Variants in AKT3 observed in about 807,000 individuals in gnomAD.
The protein encoded by AKT3 is AKT serine/threonine kinase 3.
AKT3 carries 15 observed loss-of-function variants against 65.3 expected under a neutral mutation model. That is an observed-to-expected ratio of 0.23 (90% CI 0.15 to 0.35). The LOEUF (loss-of-function observed/expected upper bound fraction) is 0.35. Ranked by LOEUF, AKT3 falls within the 10% of genes least tolerant of loss-of-function variation. The pLI is 1.00. For synonymous variants in AKT3, 206 were observed against 183.8 expected (o/e 1.12, Z -0.98); for missense variants, 243 against 576.5 (o/e 0.42, Z 5.92).
intron 8 of AKT3, among the ~76,000 whole-genome samples, chr1:243,574,064 T>A (rs983319217): frequency 6.6e-6 from 1 of 152,088 alleles, no homozygotes; most frequent in African/African-American, 2.4e-5. Context: ...GTGAAAAAAA[T>A]GAACCAATCA....
At chr1:243,563,570 T>C (rs1673944768) in intron 10 of AKT3, 150 bp downstream of exon 10, 1 of 818,322 alleles carries the variant, frequency 1.2e-6, no homozygotes, top group Non-Finnish European at 1.8e-6. Context: ...CAATACCCCA[T>C]TATAACAAAT....
chr1:243,643,044 T>C (rs1030419269), intron 5 of AKT3, among the ~76,000 whole-genome samples: 3 of 152,222 alleles, frequency 2.0e-5, no homozygotes, highest in Non-Finnish European at 2.9e-5. Context: ...CCTGGTGCTC[T>C]TTCTCACGGG....
intron 8 of AKT3, among the ~76,000 whole-genome samples, chr1:243,604,669 A>G (rs1459548177): frequency 6.6e-6 from 1 of 152,218 alleles, no homozygotes; most frequent in Non-Finnish European, 1.5e-5. Context: ...CAGGTTCATT[A>G]AAGTGCTCAT....
At chr1:243,550,789 C>CAAAAAAAAA (rs60834632) in intron 11 of AKT3, among the ~76,000 whole-genome samples, 1 of 33,690 alleles carries the variant, frequency 3.0e-5, no homozygotes, top group Non-Finnish European at 5.0e-5. Flanking sequence ...ACTAAAATAC[C>CAAAAAAAAA]AAAAAAAAAA....
chr1:243,654,860 G>C (rs1427117624), intron 4 of AKT3, among the ~76,000 whole-genome samples: 1 of 151,910 alleles, frequency 6.6e-6, no homozygotes, highest in Non-Finnish European at 1.5e-5. Context: ...TGTCTACATT[G>C]GGGATTTTCC....
intron 2 of AKT3, among the ~76,000 whole-genome samples, chr1:243,803,791 G>C (rs1326648146): frequency 6.6e-6 from 1 of 151,930 alleles, no homozygotes; most frequent in African/African-American, 2.4e-5. Flanking sequence ...ACATAACCCA[G>C]GATCCAGACA....
chr1:243,523,068 T>C (rs1186283916), intron 12 of AKT3, among the ~76,000 whole-genome samples: 1 of 152,056 alleles, frequency 6.6e-6, no homozygotes, highest in Non-Finnish European at 1.5e-5. Flanking sequence ...AGAAGGTCAA[T>C]TTGAGGCATA....
chr1:243,489,321 C>G (rs1665800546), intron 13 of AKT3, among the ~76,000 whole-genome samples: 1 of 152,208 alleles, frequency 6.6e-6, no homozygotes, highest in Admixed American at 6.5e-5. Flanking sequence ...GCCATGGGCC[C>G]GTCCTGGTGA....
At chr1:243,685,228 A>G (rs546412511) in intron 3 of AKT3, among the ~76,000 whole-genome samples, 1 of 152,300 alleles carries the variant, frequency 6.6e-6, no homozygotes, top group South Asian at 2.1e-4. Flanking sequence ...GTCTTTGCCC[A>G]TACCTATGTC....
chr1:243,562,995 C>T (rs1277114674), intron 10 of AKT3, among the ~76,000 whole-genome samples: 2 of 152,146 alleles, frequency 1.3e-5, no homozygotes, highest in East Asian at 1.9e-4. Flanking sequence ...CACACCACAC[C>T]CTTACATTTA....
intron 3 of AKT3, among the ~76,000 whole-genome samples, chr1:243,675,170 T>C (rs572711306): frequency 1.1e-4 from 17 of 152,282 alleles, no homozygotes; most frequent in African/African-American, 3.4e-4. Context: ...AAATAAACAA[T>C]AAACATATAC....
At chr1:243,702,198 A>G (rs1384551815) in intron 2 of AKT3, among the ~76,000 whole-genome samples, 1 of 152,036 alleles carries the variant, frequency 6.6e-6, no homozygotes, top group Non-Finnish European at 1.5e-5. Context: ...AATTTAAACC[A>G]ATGCTATGTT....
At chr1:243,847,219 T>C (rs1156782013) in intron 1 of AKT3, among the ~76,000 whole-genome samples, 1 of 152,188 alleles carries the variant, frequency 6.6e-6, no homozygotes, top group Non-Finnish European at 1.5e-5. Context: ...ACTGATTTGC[T>C]CAAAATGAAA....
Position 243,552,880 on chromosome 1 carries a change from C to T in AKT3, c.1012G>A (p.Glu338Lys), listed in dbSNP as rs2148466207. The T allele has an allele frequency of 6.2e-7, 1 of 1,614,128 alleles. No homozygotes were observed. The change falls in exon 11 of 14, where the codon GAA (glutamate) becomes AAA (lysine). Residue 338 changes from glutamate to lysine, a missense_variant. Glu to Lys is a moderately conservative substitution (Grantham distance 56). This residue lies in a region of AKT3 where 20 missense variants were observed against 68.4 expected (regional missense o/e 0.29). Transcript: ENST00000673466. ...AAAGGTAACCTCCCACACATCATTTCATACATGACAACCCCTAGGCCCCAC... is the reference window on the plus strand; with the variant it reads ...AAAGGTAACCTCCCACACATCATTTTATACATGACAACCCCTAGGCCCCAC... Reference protein sequence around the residue: ...DWWGLGVVMYEMMCGRLPFYN... With the variant: ...DWWGLGVVMYKMMCGRLPFYN...
intron 12 of AKT3, among the ~76,000 whole-genome samples, chr1:243,523,303 ACAC>A (rs1433542486): frequency 1.3e-4 from 20 of 150,014 alleles, no homozygotes; most frequent in African/African-American, 4.5e-4. Context: ...ACACACACAC[ACAC>A]ACCTTTCAGA....
intron 2 of AKT3, among the ~76,000 whole-genome samples, chr1:243,803,450 T>G (rs1378352422): frequency 6.6e-6 from 1 of 152,140 alleles, no homozygotes; most frequent in Non-Finnish European, 1.5e-5. Flanking sequence ...AAATATTAGG[T>G]TATGTACATG....
intron 1 of AKT3, chr1:243,843,640 C>A: frequency 1.0e-5 from 8 of 803,010 alleles, no homozygotes; most frequent in African/African-American, 1.9e-5. Context: ...ATTTCAGAAG[C>A]AATTGTAAAT....
At chr1:243,849,969 C>G in intron 1 of AKT3, 71 bp downstream of exon 1, 1 of 959,660 alleles carries the variant, frequency 1.0e-6, no homozygotes, top group Non-Finnish European at 1.2e-6. Flanking sequence ...GAGGGCGGAC[C>G]GGGGCCCGGG....
intron 4 of AKT3, 98 bp downstream of exon 4, chr1:243,664,674 T>A: frequency 4.9e-6 from 2 of 406,254 alleles, no homozygotes; most frequent in Non-Finnish European, 8.0e-6. Context: ...TTTAAAAAAA[T>A]ATATTTATAT....
Sources: gnomAD v4.1 joint callset for allele counts (sites outside exome capture counted in the v4.1 genomes callset) on GRCh38, gnomAD v4.1.1 for gene constraint, gnomAD v4.1.1 regional missense constraint, MANE v1.5 for transcripts, NCBI Gene and HGNC (gene_info 2026-07-23, HGNC 2026-07-21) for gene names.